The following ICA1L variants were observed in gnomAD, a reference collection of about 807,000 sequenced individuals.
ICA1L encodes islet cell autoantigen 1-like protein.
In ICA1L, 50 loss-of-function variants were observed where a neutral mutation model predicts 61.3. The observed-to-expected ratio is 0.82, with a 90% CI of 0.65 to 1.03. The LOEUF is 1.03. ICA1L is among the 50% of genes least tolerant of loss of function. ICA1L has a pLI of 0.00. For missense variants in ICA1L, 508 were observed against 556.7 expected (o/e 0.91, Z 0.88); for synonymous variants, 161 against 191.3 (o/e 0.84, Z 1.31).
intron 1 of ICA1L, among the ~76,000 whole-genome samples, chr2:202,856,091 A>AG (rs1375883357): frequency 4.0e-5 from 6 of 149,888 alleles, no homozygotes; most frequent in East Asian, 2.0e-4. Context: ...AAAAAAAAAA[A>AG]GGGAAGAAAA....
intron 1 of ICA1L, among the ~76,000 whole-genome samples, chr2:202,843,831 G>C (rs1694397117): frequency 6.6e-6 from 1 of 152,252 alleles, no homozygotes. Context: ...CAAGAGCTTG[G>C]CTCTAGGGCC....
chr2:202,851,793 G>C (rs1694630811), intron 1 of ICA1L, among the ~76,000 whole-genome samples: 1 of 152,142 alleles, frequency 6.6e-6, no homozygotes. Context: ...GTGTCTTTTG[G>C]CTGCATAAAT....
intron 11 of ICA1L, among the ~76,000 whole-genome samples, chr2:202,787,561 C>A (rs1312096489): frequency 1.3e-5 from 2 of 152,186 alleles, no homozygotes; most frequent in African/African-American, 4.8e-5. Flanking sequence ...TCAATTCTTA[C>A]TGAGTGATTA....
At chr2:202,847,398 A>G (rs1694492013) in intron 1 of ICA1L, among the ~76,000 whole-genome samples, 1 of 152,176 alleles carries the variant, frequency 6.6e-6, no homozygotes. Context: ...TCCAACAGGT[A>G]ATTAAAACTG....
chr2:202,865,630 A>G (rs1687486906), intron 1 of ICA1L, among the ~76,000 whole-genome samples: 1 of 152,244 alleles, frequency 6.6e-6, no homozygotes, highest in African/African-American at 2.4e-5. Context: ...GTCTTTATTC[A>G]CAGGTGACAT....
chr2:202,812,336 T>C (rs1282873828), intron 8 of ICA1L, among the ~76,000 whole-genome samples: 2 of 152,168 alleles, frequency 1.3e-5, no homozygotes, highest in Admixed American at 6.5e-5. Context: ...CCCAGCACTT[T>C]CGGAGGCTGA....
At chr2:202,816,135 A>AT (rs1409745021) in intron 6 of ICA1L, 126 bp from the exon 7 acceptor site, 1 of 569,420 alleles carries the variant, frequency 1.8e-6, no homozygotes, top group African/African-American at 2.0e-5. Flanking sequence ...ACTAAATTCA[A>AT]TTTTCCAAGT....
At chr2:202,870,837 G>A (rs933399385) in intron 1 of ICA1L, 1 of 152,160 alleles carries the variant, frequency 6.6e-6, no homozygotes, top group African/African-American at 2.4e-5. Context: ...TACTGGCAAC[G>A]CCCCAGCATC....
intron 1 of ICA1L, chr2:202,840,939 A>C (rs556698261): frequency 2.8e-6 from 2 of 721,306 alleles, no homozygotes; most frequent in Admixed American, 1.8e-5. Context: ...GATCTGGTAC[A>C]TGCTCTCAGC....
intron 8 of ICA1L, 48 bp downstream of exon 8, chr2:202,814,654 G>T: frequency 1.7e-6 from 2 of 1,158,662 alleles, no homozygotes; most frequent in Non-Finnish European, 2.6e-6. Flanking sequence ...TCATATGATG[G>T]TATCCAGGAC....
At chr2:202,823,623 C>T (rs1209869576) in intron 3 of ICA1L, among the ~76,000 whole-genome samples, 1 of 152,196 alleles carries the variant, frequency 6.6e-6, no homozygotes, top group East Asian at 1.9e-4. Context: ...ATGACAGACT[C>T]TTCTGCCTAT....
intron 1 of ICA1L, chr2:202,869,730 T>A (rs1252976750): frequency 1.3e-5 from 2 of 152,204 alleles, no homozygotes; most frequent in East Asian, 1.9e-4. Context: ...AGTCTTTTTT[T>A]ATCTCAACTA....
chr2:202,816,182 CAA>C (rs1693528759), intron 6 of ICA1L, among the ~76,000 whole-genome samples, 173 bp from the exon 7 acceptor site: 1 of 152,104 alleles, frequency 6.6e-6, no homozygotes, highest in Admixed American at 6.6e-5. Context: ...AGTACTTGTG[CAA>C]AAGAATCGGC....
At chr2:202,784,594 C>T (rs1692519643) in intron 12 of ICA1L, among the ~76,000 whole-genome samples, 1 of 152,116 alleles carries the variant, frequency 6.6e-6, no homozygotes, top group South Asian at 2.1e-4. Context: ...CATGGATCAA[C>T]AGATAACCAG....
At chr2:202,808,790 T>C (rs1372123847) in intron 9 of ICA1L, among the ~76,000 whole-genome samples, 1 of 152,176 alleles carries the variant, frequency 6.6e-6, no homozygotes, top group Non-Finnish European at 1.5e-5. Context: ...TCTCTACAAT[T>C]GTGCAAGAGC....
intron 11 of ICA1L, 81 bp downstream of exon 11, chr2:202,788,749 T>C: frequency 7.0e-7 from 1 of 1,428,520 alleles, no homozygotes; most frequent in Non-Finnish European, 9.8e-7. Context: ...TGCTTGTTGG[T>C]TCTAGCATCA....
rs1692322882 is a variant in ICA1L, at chr2:202,779,368, CT to C, written c.*164del. 2.0e-6 allele frequency: 1 copy of C among 488,504 alleles called. No homozygotes were observed. The highest frequency in any genetic ancestry group is 3.8e-5 in the Admixed American group (1 of 26,294). The allele number at this position is 488,504 out of a possible 1,614,324, so 30.3% of individuals were successfully genotyped here. On this transcript the variant is annotated 3_prime_UTR_variant, in exon 13 of 13. Transcript: ENST00000358299. ...AAATCCAAGATATGAAAGATGTGTA[CT>C]TATTCAAATGTGGTCTTTACCATCT...
At chr2:202,819,056 A>G (rs1201031738) in intron 5 of ICA1L, among the ~76,000 whole-genome samples, 1 of 152,224 alleles carries the variant, frequency 6.6e-6, no homozygotes, top group Non-Finnish European at 1.5e-5. Context: ...CCTACTTCAT[A>G]GGGCTGTTGT....
intron 7 of ICA1L, among the ~76,000 whole-genome samples, chr2:202,815,554 G>C (rs149657669): frequency 2.2e-4 from 33 of 152,016 alleles, no homozygotes; most frequent in African/African-American, 8.0e-4. Context: ...TCCATCACTT[G>C]TTCCTCTTAA....
Sources: gnomAD v4.1 joint callset for allele counts (sites outside exome capture counted in the v4.1 genomes callset) on GRCh38, gnomAD v4.1.1 for gene constraint, MANE v1.5 for transcripts, NCBI Gene and HGNC (gene_info 2026-07-23, HGNC 2026-07-21) for gene names.